TMEM164: variants seen among roughly 807,000 people sequenced by gnomAD.
TMEM164 encodes the protein transmembrane protein 164.
A neutral mutation model predicts 18.8 loss-of-function variants in TMEM164; 4 were observed. The ratio of observed to expected loss-of-function variants is 0.21; its 90% confidence interval spans 0.10 to 0.49. The LOEUF (loss-of-function observed/expected upper bound fraction) is 0.49, where lower values mean the gene tolerates loss of function less well. Among genes scored for constraint, TMEM164 ranks in the 20% least tolerant of loss-of-function variants. The probability of loss-of-function intolerance (pLI) is 0.98; values close to 1 mark genes in which losing one functional copy is unlikely to be tolerated. For missense variants in TMEM164, 108 were observed against 239.9 expected (o/e 0.45, Z 3.63); for synonymous variants, 86 against 101.7 (o/e 0.85, Z 0.93).
chrX:110,147,298 T>C (rs1481084777), intron 5 of TMEM164, among the ~76,000 whole-genome samples: 2 of 112,562 alleles, frequency 1.8e-5, no homozygotes, highest in African/African-American at 6.5e-5. Context: ...AAATTTAATT[T>C]TTATTAGATA....
At chrX:110,046,533 T>A in intron 2 of TMEM164, 1 of 704,202 alleles carries the variant, frequency 1.4e-6, no homozygotes, top group Non-Finnish European at 1.7e-6. Flanking sequence ...ATTAACATTG[T>A]TTCTTCTACT....
intron 5 of TMEM164, among the ~76,000 whole-genome samples, chrX:110,171,186 A>G (rs2067225968): frequency 8.9e-6 from 1 of 112,225 alleles, no homozygotes; most frequent in African/African-American, 3.2e-5. Context: ...TATGATTAAA[A>G]AAAGAGTCCT....
chrX:110,138,886 G>T (rs2066728438), intron 4 of TMEM164, among the ~76,000 whole-genome samples: 1 of 112,080 alleles, frequency 8.9e-6, no homozygotes, highest in African/African-American at 3.2e-5. Context: ...TCCTTGTGTT[G>T]CCTACTGGAA....
At chrX:110,017,591 C>T (rs1250405976) in intron 2 of TMEM164, among the ~76,000 whole-genome samples, 4 of 85,909 alleles carry the variant, frequency 4.7e-5, no homozygotes, top group East Asian at 7.6e-4. Context: ...TTTTTTGAGA[C>T]GGAGTTTCAC....
intron 2 of TMEM164, among the ~76,000 whole-genome samples, chrX:110,060,084 GA>G (rs764988128): frequency 9.1e-6 from 1 of 109,792 alleles, no homozygotes; most frequent in African/African-American, 3.3e-5. Context: ...GTAACAAAAT[GA>G]GACCCCATAT....
intron 3 of TMEM164, among the ~76,000 whole-genome samples, chrX:110,070,754 T>C (rs185996568): frequency 9.0e-6 from 1 of 110,631 alleles, no homozygotes; most frequent in African/African-American, 3.3e-5. Context: ...ATAAAAAGAA[T>C]AGAAAAAGAA....
At chrX:110,027,652 C>T (rs984603780) in intron 2 of TMEM164, among the ~76,000 whole-genome samples, 4 of 110,154 alleles carry the variant, frequency 3.6e-5, no homozygotes, top group East Asian at 5.6e-4. Flanking sequence ...CCTAGCTACT[C>T]GGGAGGCTGA....
At chrX:110,173,193 A>C in intron 6 of TMEM164, 52 bp from the exon 7 acceptor site, 3 of 1,166,220 alleles carry the variant, frequency 2.6e-6, no homozygotes, top group African/African-American at 1.8e-5. Context: ...GGCAGAAGCC[A>C]GAGAAAGCCT....
intron 3 of TMEM164, among the ~76,000 whole-genome samples, chrX:110,068,245 C>A (rs2065530775): frequency 8.9e-6 from 1 of 111,818 alleles, no homozygotes; most frequent in African/African-American, 3.3e-5. Context: ...GAAAAAGGAC[C>A]CCATTTGCTG....
chrX:110,014,744 C>CTTTTTTTTTTTTTTTTTTTTTATT (rs1933221325), intron 2 of TMEM164, among the ~76,000 whole-genome samples: 5 of 54,237 alleles, frequency 9.2e-5, no homozygotes, highest in South Asian at 1.4e-3. Context: ...TTGGTTGTTT[C>CTTTTTTTTTTTTTTTTTTTTTATT]TTTTTTTTTT....
chrX:110,082,964 A>G (rs1304274443), intron 3 of TMEM164, among the ~76,000 whole-genome samples: 1 of 111,780 alleles, frequency 8.9e-6, no homozygotes, highest in Admixed American at 9.5e-5. Flanking sequence ...TGAGTTTTAC[A>G]TATATAAAGA....
intron 4 of TMEM164, among the ~76,000 whole-genome samples, chrX:110,139,296 A>G (rs1910544617): frequency 9.0e-6 from 1 of 111,723 alleles, no homozygotes; most frequent in Non-Finnish European, 1.9e-5. Context: ...CCTGCATAGT[A>G]GCAGAGGAAA....
intron 3 of TMEM164, among the ~76,000 whole-genome samples, chrX:110,075,382 A>G (rs1015389959): frequency 3.6e-5 from 4 of 111,564 alleles, no homozygotes; most frequent in Non-Finnish European, 7.5e-5. Context: ...TTTTCTAGGT[A>G]TAGAATTATA....
At position 110,020,968 on chromosome X, in the gene TMEM164, TAAAAAAAAAAAAAAAA is replaced by T. The variant is rs147367236; in HGVS notation, c.390+16816_390+16831del. Among the ~76,000 whole-genome samples the T allele has an allele frequency of 1.6e-4, 7 of 43,639 alleles. No homozygotes were observed. The East Asian group carries it at 4.9e-3, about 30-fold the overall frequency. 37.9% of individuals were successfully genotyped at this position (43,639 alleles called of 115,157 possible). Reference sequence around the variant, plus strand: ...TATGTATGAGAGAAACCCCTTTTTCTAAAAAAAAAAAAAAAAAAAAAAAAAAAGCCCAAGCAGCCTC... The same window carrying T: ...TATGTATGAGAGAAACCCCTTTTTCTAAAAAAAAAAAGCCCAAGCAGCCTC... On this transcript the variant is annotated intron_variant, in intron 2 of 6. Coordinates refer to ENST00000372068, the MANE Select transcript of TMEM164 (RefSeq NM_032227.4).
chrX:110,051,593 A>AAG (rs1935560524), intron 2 of TMEM164, among the ~76,000 whole-genome samples: 1 of 102,956 alleles, frequency 9.7e-6, no homozygotes, highest in Non-Finnish European at 2.0e-5. Flanking sequence ...CAAAAAAAAA[A>AAG]AAAGAAAGAA....
At chrX:110,084,397 A>AGTATATATATAGT (rs2065812317) in intron 3 of TMEM164, among the ~76,000 whole-genome samples, 1 of 1,705 alleles carries the variant, frequency 5.9e-4, no homozygotes, top group African/African-American at 2.6e-3. Context: ...TATATAGTAT[A>AGTATATATATAGT]GTATATATAT....
chrX:110,126,810 C>CTGTGTGTGTGTGTGTGTGTGTG (rs4035483), intron 4 of TMEM164, among the ~76,000 whole-genome samples: 2 of 69,583 alleles, frequency 2.9e-5, no homozygotes, highest in African/African-American at 1.2e-4. Flanking sequence ...TGGGCCACTC[C>CTGTGTGTGTGTGTGTGTGTGTG]TGTGTGTGTG....
At chrX:110,111,386 C>T (rs1442415711) in intron 4 of TMEM164, among the ~76,000 whole-genome samples, 2 of 112,707 alleles carry the variant, frequency 1.8e-5, no homozygotes, top group South Asian at 3.6e-4. Context: ...GTGGAGGTAA[C>T]CTGCTAGGGC....
chrX:110,028,637 A>G (rs1203967239), intron 2 of TMEM164, among the ~76,000 whole-genome samples: 1 of 112,018 alleles, frequency 8.9e-6, no homozygotes, highest in Non-Finnish European at 1.9e-5. Context: ...TTTTTCCTAA[A>G]TGTTTTAAAA....
Sources: allele counts gnomAD v4.1 joint callset (sites outside exome capture counted in the v4.1 genomes callset), GRCh38; gene constraint gnomAD v4.1.1; transcripts MANE v1.5; gene names NCBI Gene and HGNC (gene_info 2026-07-23, HGNC 2026-07-21).